HK2: variants seen among roughly 807,000 people sequenced by gnomAD.
The protein encoded by HK2 is hexokinase-2.
HK2 carries 42 observed loss-of-function variants against 92.9 expected under a neutral mutation model. The observed-to-expected ratio is 0.45, with a 90% CI of 0.35 to 0.58. The LOEUF is 0.58. Among genes scored for constraint, HK2 ranks in the 20% least tolerant of loss-of-function variants. The pLI, the probability that HK2 is intolerant of heterozygous loss-of-function variation, is 0.00. For missense variants in HK2, 978 were observed against 1,245.1 expected, an observed-to-expected ratio of 0.79 and a Z score of 3.23; for synonymous variants, 422 against 468.0, an observed-to-expected ratio of 0.90 and a Z score of 1.27.
At chr2:74,840,046 C>A (rs1216943990) in intron 1 of HK2, among the ~76,000 whole-genome samples, 1 of 148,984 alleles carries the variant, frequency 6.7e-6, no homozygotes, top group East Asian at 2.0e-4. Context: ...ACCTCGGCCT[C>A]CTGGGTTCCT....
intron 1 of HK2, among the ~76,000 whole-genome samples, chr2:74,847,825 T>C (rs1297812364): frequency 6.6e-6 from 1 of 152,216 alleles, no homozygotes; most frequent in Admixed American, 6.5e-5. Context: ...GCACAGTGTG[T>C]CTGGGCAGCC....
chr2:74,861,381 C>T (rs1688821520), intron 2 of HK2, among the ~76,000 whole-genome samples: 1 of 151,088 alleles, frequency 6.6e-6, no homozygotes, highest in South Asian at 2.1e-4. Flanking sequence ...GATCATGCTG[C>T]TGCACTCCAG....
intron 2 of HK2, among the ~76,000 whole-genome samples, chr2:74,856,315 C>A (rs993058528): frequency 6.6e-6 from 1 of 152,120 alleles, no homozygotes; most frequent in East Asian, 1.9e-4. Flanking sequence ...TTTGCTGAAG[C>A]CTTGGGACCC....
chr2:74,888,112 G>T, intron 16 of HK2, 54 bp downstream of exon 16: 3 of 1,575,914 alleles, frequency 1.9e-6, no homozygotes, highest in Non-Finnish European at 2.6e-6. Context: ...TTTCTCACTG[G>T]CAGACAAACT....
intron 1 of HK2, among the ~76,000 whole-genome samples, chr2:74,848,336 T>TA (rs1357301524): frequency 6.6e-6 from 1 of 152,264 alleles, no homozygotes; most frequent in African/African-American, 2.4e-5. Flanking sequence ...GTTGATTTCT[T>TA]AAAATTTTTA....
Position 74,880,299 on chromosome 2 carries a change from C to G in HK2, c.1300C>G (p.Leu434Val), listed in dbSNP as rs764972557. The change falls in exon 10 of 18, where the codon CTG becomes GTG. Residue 434 changes from leucine to valine, a missense_variant. By Grantham distance (32) the Leu-to-Val change is conservative. Coordinates refer to ENST00000290573, the MANE Select transcript of HK2 (RefSeq NM_000189.5). Reference sequence around the variant, plus strand: ...GCGTCTACATAAGACCGTGCGGCGGCTGGTGCCCGGCTGCGATGTCCGCTT... The same window carrying G: ...GCGTCTACATAAGACCGTGCGGCGGGTGGTGCCCGGCTGCGATGTCCGCTT... ...AKRLHKTVRR[L>V]VPGCDVRFLR... The G allele has an allele frequency of 1.2e-6, 2 of 1,614,210 alleles. No homozygotes were observed. Among genetic ancestry groups the G allele is most frequent in the South Asian group, 1.1e-5 (1 of 91,086 alleles).
At chr2:74,887,265 A>C (rs1689561658) in intron 15 of HK2, among the ~76,000 whole-genome samples, 1 of 152,198 alleles carries the variant, frequency 6.6e-6, no homozygotes, top group Non-Finnish European at 1.5e-5. Flanking sequence ...AAATGCCTCT[A>C]GGGGCCAGGC....
At chr2:74,853,281 C>T (rs1688613231) in intron 1 of HK2, among the ~76,000 whole-genome samples, 1 of 151,994 alleles carries the variant, frequency 6.6e-6, no homozygotes, top group Non-Finnish European at 1.5e-5. Flanking sequence ...CTTTGGGAGG[C>T]CGAGGCAGGT....
rs755244890 is a variant in HK2, at chr2:74,890,790, T to G, written c.2610-7T>G. 1.2e-6 allele frequency: 2 copies of G among 1,614,200 alleles called. No homozygotes were observed. Among genetic ancestry groups the G allele is most frequent in the East Asian group, 2.2e-5 (1 of 44,886 alleles). On this transcript the variant is annotated splice_region_variant and splice_polypyrimidine_tract_variant and intron_variant, in intron 17 of 17. Coordinates refer to ENST00000290573, the MANE Select transcript of HK2 (RefSeq NM_000189.5). Reference sequence around the variant, plus strand: ...TTTTTCCTGTGTCTTCCTCCCACCTTTTCCAGCTTTGCCAAAGTCATGCAT... The same window carrying G: ...TTTTTCCTGTGTCTTCCTCCCACCTGTTCCAGCTTTGCCAAAGTCATGCAT...
intron 8 of HK2, 62 bp from the exon 9 acceptor site, chr2:74,878,626 G>T: frequency 7.4e-7 from 1 of 1,351,618 alleles, no homozygotes. Context: ...GCCACCCCCC[G>T]ACACACACAC....
intron 12 of HK2, among the ~76,000 whole-genome samples, chr2:74,883,330 C>A (rs571602882): frequency 2.3e-4 from 35 of 152,236 alleles, no homozygotes; most frequent in Admixed American, 1.0e-3. Context: ...TACTGAAGCC[C>A]CCAGGACAGG....
At chr2:74,835,863 C>A (rs1203431689) in intron 1 of HK2, among the ~76,000 whole-genome samples, 2 of 152,134 alleles carry the variant, frequency 1.3e-5, no homozygotes, top group East Asian at 3.8e-4. Context: ...CTTGCCATTA[C>A]CGTTCTGTGC....
intron 2 of HK2, among the ~76,000 whole-genome samples, chr2:74,861,806 C>T (rs1017521104): frequency 7.9e-5 from 12 of 152,178 alleles, no homozygotes; most frequent in African/African-American, 2.7e-4. Context: ...ATGTGCCAGC[C>T]GCATGTTCTA....
chr2:74,893,274 C>T lies in HK2; in HGVS notation c.*2333C>T, dbSNP rs1364196332. On this transcript the variant is annotated 3_prime_UTR_variant, in exon 18 of 18. Transcript: ENST00000290573. ...GCACTCAGTCTAGTGAAGATGTTGT[C>T]ATTATGTACAATACATAACTAGTTT... 1 of 152,204 alleles carries T rather than the reference C, an allele frequency of 6.6e-6. No individual in the cohort carries two copies. The highest frequency in any genetic ancestry group is 1.9e-4 in the East Asian group (1 of 5,180). 9.4% of individuals were successfully genotyped at this position (152,204 alleles called of 1,614,324 possible).
chr2:74,866,998 C>A (rs3771770), intron 2 of HK2, among the ~76,000 whole-genome samples: 1 of 151,874 alleles, frequency 6.6e-6, no homozygotes, highest in African/African-American at 2.4e-5. Context: ...AATTTAATAC[C>A]GTGCTTGCAA....
intron 1 of HK2, among the ~76,000 whole-genome samples, chr2:74,839,266 A>G (rs796962905): frequency 3.0e-4 from 46 of 152,304 alleles, no homozygotes; most frequent in African/African-American, 1.0e-3. Flanking sequence ...GTGAATTACC[A>G]TGGGTGGGGC....
At chr2:74,871,450 G>C (rs1689096701) in intron 3 of HK2, among the ~76,000 whole-genome samples, 1 of 152,182 alleles carries the variant, frequency 6.6e-6, no homozygotes. Context: ...TCACCTAAAG[G>C]GTCAGCAGCT....
At chr2:74,881,938 C>A in intron 11 of HK2, 79 bp downstream of exon 11, 2 of 1,539,242 alleles carry the variant, frequency 1.3e-6, no homozygotes, top group South Asian at 1.1e-5. Flanking sequence ...TTTCTCTGCT[C>A]ATCTGTGACC....
At chr2:74,836,178 A>G (rs1187395499) in intron 1 of HK2, among the ~76,000 whole-genome samples, 1 of 152,130 alleles carries the variant, frequency 6.6e-6, no homozygotes, top group Non-Finnish European at 1.5e-5. Context: ...ATCTCTTGGC[A>G]AGTCCTAAAA....
Sources: gnomAD v4.1 joint callset for allele counts (sites outside exome capture counted in the v4.1 genomes callset) on GRCh38, gnomAD v4.1.1 for gene constraint, MANE v1.5 for transcripts, NCBI Gene and HGNC (gene_info 2026-07-23, HGNC 2026-07-21) for gene names.